The following ARL13B variants were observed in gnomAD, a reference collection of about 807,000 sequenced individuals.
ARL13B encodes ARF like GTPase 13B.
Under a neutral mutation model 56.1 loss-of-function variants are expected in ARL13B, and 36 were observed. That is an observed-to-expected ratio of 0.64 (90% CI 0.49 to 0.85). The LOEUF (loss-of-function observed/expected upper bound fraction) is 0.85, where lower values mean the gene tolerates loss of function less well. ARL13B is among the 40% of genes least tolerant of loss of function. The pLI, the probability that ARL13B is intolerant of heterozygous loss-of-function variation, is 0.00. For missense variants in ARL13B, 519 were observed against 507.1 expected, an observed-to-expected ratio of 1.02 and a Z score of -0.23; for synonymous variants, 178 against 171.1, an observed-to-expected ratio of 1.04 and a Z score of -0.32.
rs748205542 is a variant in ARL13B, at chr3:93,980,244, G to A, written c.-180G>A. On this transcript the variant is annotated 5_prime_UTR_variant, in exon 1 of 10. Transcript: ENST00000394222. ...CCTTGGCTAAGAGGGCAGTCGTCGC[G>A]GACCCACGCGGTTAGCAAGGCTTAG... The A allele has an allele frequency of 1.7e-5, 13 of 771,528 alleles. No homozygotes were observed. The Admixed American group carries it at 2.2e-4, about 13-fold the overall frequency. The allele number at this position is 771,528 out of a possible 1,614,324, so 47.8% of individuals were successfully genotyped here. A position where few individuals can be genotyped will look rare whatever the true frequency, so the allele number is the denominator to read the frequency against.
At chr3:94,048,568 TTTTA>T (rs747120183) in intron 7 of ARL13B, among the ~76,000 whole-genome samples, 20 of 152,098 alleles carry the variant, frequency 1.3e-4, no homozygotes, top group Non-Finnish European at 2.9e-4. Context: ...TTAGGAGTTA[TTTTA>T]TTTGTTTATT....
At chr3:93,996,595 C>G (rs563861772) in intron 2 of ARL13B, 4 of 436,718 alleles carry the variant, frequency 9.2e-6, no homozygotes, top group Admixed American at 7.1e-5. Flanking sequence ...CCAAGCTGGT[C>G]TGGAATGCCT....
chr3:94,026,795 C>A (rs909541077), intron 3 of ARL13B, among the ~76,000 whole-genome samples: 2 of 152,104 alleles, frequency 1.3e-5, no homozygotes, highest in Non-Finnish European at 1.5e-5. Flanking sequence ...GTTTAACTTG[C>A]AGCATTGCTA....
intron 3 of ARL13B, among the ~76,000 whole-genome samples, chr3:94,008,375 C>T (rs1306417819): frequency 6.6e-6 from 1 of 151,950 alleles, no homozygotes; most frequent in African/African-American, 2.4e-5. Context: ...AAACAAAAAA[C>T]CTTCAAACTA....
chr3:94,007,657 G>GC (rs2076156808), intron 3 of ARL13B, among the ~76,000 whole-genome samples: 1 of 152,054 alleles, frequency 6.6e-6, no homozygotes, highest in Non-Finnish European at 1.5e-5. Flanking sequence ...GGGGGAAACT[G>GC]CCCCCATGAT....
chr3:94,015,575 T>C (rs1415353479), intron 3 of ARL13B, among the ~76,000 whole-genome samples: 1 of 151,326 alleles, frequency 6.6e-6, no homozygotes, highest in East Asian at 1.9e-4. Flanking sequence ...CACATGATAG[T>C]TTTTTTTTGT....
intron 3 of ARL13B, among the ~76,000 whole-genome samples, chr3:94,006,883 T>C (rs2076144811): frequency 6.6e-6 from 1 of 152,028 alleles, no homozygotes; most frequent in Non-Finnish European, 1.5e-5. Context: ...GTATAATAAG[T>C]AGAAAAGATG....
At chr3:94,041,417 A>G (rs1034477655) in intron 6 of ARL13B, among the ~76,000 whole-genome samples, 3 of 152,198 alleles carry the variant, frequency 2.0e-5, no homozygotes, top group Admixed American at 2.0e-4. Context: ...AAAAACTTAA[A>G]TACGTTTTAA....
chr3:94,016,921 AG>A (rs1174095801), intron 3 of ARL13B, among the ~76,000 whole-genome samples: 2 of 152,220 alleles, frequency 1.3e-5, no homozygotes, highest in African/African-American at 2.4e-5. Flanking sequence ...CTGGGATTAC[AG>A]GTGTGAGCCA....
chr3:93,991,943 G>A (rs975571763), intron 1 of ARL13B, among the ~76,000 whole-genome samples: 2 of 152,112 alleles, frequency 1.3e-5, no homozygotes, highest in African/African-American at 4.8e-5. Flanking sequence ...ATAGGACATA[G>A]TCTTAAACAT....
At chr3:94,040,792 A>G (rs1301266853) in intron 6 of ARL13B, among the ~76,000 whole-genome samples, 1 of 149,604 alleles carries the variant, frequency 6.7e-6, no homozygotes, top group Non-Finnish European at 1.5e-5. Context: ...TGTACTTTTT[A>G]CTTTGAAACA....
At chr3:94,000,937 A>C (rs534499422) in intron 2 of ARL13B, among the ~76,000 whole-genome samples, 5 of 152,294 alleles carry the variant, frequency 3.3e-5, no homozygotes, top group Non-Finnish European at 7.3e-5. Context: ...GGATAAATAC[A>C]TGAAAGGAAA....
At chr3:94,016,298 A>G (rs2076332284) in intron 3 of ARL13B, among the ~76,000 whole-genome samples, 1 of 152,008 alleles carries the variant, frequency 6.6e-6, no homozygotes, top group Non-Finnish European at 1.5e-5. Flanking sequence ...ATCAACCAGA[A>G]AAAAAAGGTC....
chr3:93,981,297 G>A (rs999895122), intron 1 of ARL13B, among the ~76,000 whole-genome samples: 1 of 152,014 alleles, frequency 6.6e-6, no homozygotes, highest in Admixed American at 6.6e-5. Flanking sequence ...TCTTGTGTTT[G>A]TTACACAAAT....
At chr3:94,048,854 C>G (rs1198468202) in intron 7 of ARL13B, among the ~76,000 whole-genome samples, 1 of 152,108 alleles carries the variant, frequency 6.6e-6, no homozygotes, top group Non-Finnish European at 1.5e-5. Flanking sequence ...ACTTCAGCCT[C>G]CCAGAGTGCT....
intron 3 of ARL13B, among the ~76,000 whole-genome samples, chr3:94,010,836 T>C (rs1379437424): frequency 1.3e-5 from 2 of 152,070 alleles, no homozygotes; most frequent in Non-Finnish European, 2.9e-5. Context: ...GATATAATTG[T>C]ACTAATGAAT....
intron 3 of ARL13B, among the ~76,000 whole-genome samples, chr3:94,024,479 A>G (rs921603965): frequency 1.3e-5 from 2 of 152,218 alleles, no homozygotes; most frequent in Non-Finnish European, 1.5e-5. Context: ...CTCAAGAACT[A>G]CAACATCTTG....
intron 6 of ARL13B, among the ~76,000 whole-genome samples, chr3:94,040,376 G>A (rs936054964): frequency 6.6e-6 from 1 of 152,084 alleles, no homozygotes; most frequent in Non-Finnish European, 1.5e-5. Flanking sequence ...TACTTAGAAT[G>A]CATTAGGGTA....
intron 7 of ARL13B, among the ~76,000 whole-genome samples, chr3:94,045,386 TA>T (rs761627718): frequency 6.6e-6 from 1 of 150,494 alleles, no homozygotes; most frequent in Non-Finnish European, 1.5e-5. Flanking sequence ...TCTCCACTAT[TA>T]TCCTATGACC....
Sources: gnomAD v4.1 joint callset for allele counts (sites outside exome capture counted in the v4.1 genomes callset) on GRCh38, gnomAD v4.1.1 for gene constraint, MANE v1.5 for transcripts, NCBI Gene and HGNC (gene_info 2026-07-23, HGNC 2026-07-21) for gene names.